TRAPPC9: variants seen among roughly 807,000 people sequenced by gnomAD.
The protein encoded by TRAPPC9 is IKK2 binding protein.
Under a neutral mutation model 124.0 loss-of-function variants are expected in TRAPPC9, and 83 were observed. The observed-to-expected ratio is 0.67, with a 90% CI of 0.56 to 0.80. The LOEUF (loss-of-function observed/expected upper bound fraction) is 0.80, where lower values mean the gene tolerates loss of function less well. TRAPPC9 is among the 30% of genes least tolerant of loss of function. The probability of loss-of-function intolerance (pLI) is 0.00; values close to 1 mark genes in which losing one functional copy is unlikely to be tolerated. For missense variants in TRAPPC9, 1,302 were observed against 1,508.3 expected, an observed-to-expected ratio of 0.86 and a Z score of 2.27; for synonymous variants, 638 against 617.5, an observed-to-expected ratio of 1.03 and a Z score of -0.49.
At chr8:140,326,691 C>T (rs1588154971) in intron 9 of TRAPPC9, among the ~76,000 whole-genome samples, 3 of 152,110 alleles carry the variant, frequency 2.0e-5, no homozygotes, top group Admixed American at 1.3e-4. Flanking sequence ...GTCTGAGCAA[C>T]ACGAGACTTT....
In TRAPPC9 at chr8:139,937,613, C is replaced by T. The variant is rs575253519; in HGVS notation, c.2811-27313G>A. 3.2e-4 allele frequency among the ~76,000 whole-genome samples: 49 copies of T among 152,122 alleles called. 1 individual carries two copies. In the South Asian group the frequency reaches 6.5e-3, roughly 20 times the overall value. ...CAATGTAAGCCAACAGAGAGACCAG[C>T]GTCGTCCACACTGGAGGCAGCAAGG... On this transcript the variant is annotated intron_variant, in intron 19 of 22. Coordinates refer to ENST00000438773, the MANE Select transcript of TRAPPC9 (RefSeq NM_001160372.4).
chr8:140,084,514 C>G (rs1844057772), intron 17 of TRAPPC9, among the ~76,000 whole-genome samples: 1 of 152,304 alleles, frequency 6.6e-6, no homozygotes, highest in Non-Finnish European at 1.5e-5. Flanking sequence ...ACTCAAGGGC[C>G]TTCATGATCT....
rs2065947573 is a variant in TRAPPC9 at position 140,300,568 on chromosome 8, T to C, written c.1669A>G (p.Met557Val). ...ACGTTCTGACCCAGCAAGCTTTTCATTTTGTGTGGCCGGAGGCTAGCAGGA... is the reference window on the plus strand; with the variant it reads ...ACGTTCTGACCCAGCAAGCTTTTCACTTTGTGTGGCCGGAGGCTAGCAGGA... ...NLPASLRPHK[M>V]KSLLGQNVST... The change falls in exon 11 of 23, where the codon ATG becomes GTG. Residue 557 changes from methionine to valine, a missense_variant. Around this residue, in one of 3 missense-constraint regions of TRAPPC9, gnomAD observed 657 missense variants for 811.2 expected, o/e 0.81. Coordinates refer to ENST00000438773, the MANE Select transcript of TRAPPC9 (RefSeq NM_001160372.4). 1.9e-6 allele frequency: 3 copies of C among 1,614,110 alleles called. No individual in the cohort carries two copies. The highest frequency in any genetic ancestry group is 2.7e-5 in the African/African-American group (2 of 74,950).
intron 17 of TRAPPC9, among the ~76,000 whole-genome samples, chr8:140,157,749 A>G (rs970801116): frequency 6.6e-6 from 1 of 152,208 alleles, no homozygotes; most frequent in African/African-American, 2.4e-5. Context: ...CACTGTCAAA[A>G]CATTAGGAAA....
At chr8:140,453,594 A>C (rs956345934) in intron 1 of TRAPPC9, among the ~76,000 whole-genome samples, 1 of 152,170 alleles carries the variant, frequency 6.6e-6, no homozygotes, top group Non-Finnish European at 1.5e-5. Flanking sequence ...ATTTTAAAAA[A>C]AGGAAACCCT....
intron 17 of TRAPPC9, among the ~76,000 whole-genome samples, chr8:140,200,745 T>G (rs149470594): frequency 4.3e-4 from 65 of 152,246 alleles, no homozygotes; most frequent in African/African-American, 1.4e-3. Flanking sequence ...TCGAGCGTCC[T>G]GAATGGGACC....
At chr8:139,746,450 G>A (rs1000220068) in intron 21 of TRAPPC9, among the ~76,000 whole-genome samples, 2 of 152,200 alleles carry the variant, frequency 1.3e-5, no homozygotes, top group African/African-American at 4.8e-5. Context: ...GAGGAGGGAG[G>A]AGCTGCAAGA....
At chr8:139,796,570 A>G (rs1823111620) in intron 21 of TRAPPC9, among the ~76,000 whole-genome samples, 1 of 152,276 alleles carries the variant, frequency 6.6e-6, no homozygotes, top group African/African-American at 2.4e-5. Flanking sequence ...TCCATGTTAT[A>G]GCATGTGTCA....
At chr8:140,201,456 A>AT (rs976417487) in intron 17 of TRAPPC9, among the ~76,000 whole-genome samples, 5 of 152,158 alleles carry the variant, frequency 3.3e-5, no homozygotes, top group Admixed American at 1.3e-4. Flanking sequence ...GCCTCCACTG[A>AT]TTTTTTTATA....
At chr8:139,908,773 T>C (rs1208523050) in intron 20 of TRAPPC9, 1 of 152,136 alleles carries the variant, frequency 6.6e-6, no homozygotes, top group East Asian at 1.9e-4. Flanking sequence ...GCTATGGCAT[T>C]TTGCTCATTA....
At chr8:139,913,106 G>A (rs1363575896) in intron 19 of TRAPPC9, among the ~76,000 whole-genome samples, 1 of 152,190 alleles carries the variant, frequency 6.6e-6, no homozygotes, top group Non-Finnish European at 1.5e-5. Flanking sequence ...TGCGGCCACT[G>A]GAACTACAAC....
rs891696677 is a variant in TRAPPC9, at chr8:140,182,270, C to T, written c.2556+39189G>A. 2.0e-5 allele frequency among the ~76,000 whole-genome samples: 3 copies of T among 151,858 alleles called. No individual in the cohort carries two copies. Among genetic ancestry groups the T allele is most frequent in the South Asian group, 2.1e-4 (1 of 4,806 alleles). ...CTGGGTTGAAGCAGGCAAATGTTTC[C>T]GAAGCCTGCCTTTCCCTAAGACCTT... On this transcript the variant is annotated intron_variant, in intron 17 of 22. Coordinates refer to ENST00000438773, the MANE Select transcript of TRAPPC9 (RefSeq NM_001160372.4). This position sits in a 1 kb window ranked among gnomAD's most constrained non-coding sequence, Gnocchi z 4.0.
chr8:140,211,222 A>G (rs1179641112), intron 17 of TRAPPC9, among the ~76,000 whole-genome samples: 1 of 152,184 alleles, frequency 6.6e-6, no homozygotes, highest in Non-Finnish European at 1.5e-5. Flanking sequence ...GCCAGACCAC[A>G]TCTCTACAAC....
At chr8:139,808,838 A>G (rs1309242737) in intron 21 of TRAPPC9, among the ~76,000 whole-genome samples, 1 of 152,224 alleles carries the variant, frequency 6.6e-6, no homozygotes, top group African/African-American at 2.4e-5. Flanking sequence ...GTATGGATAT[A>G]CCACATTTTA....
intron 21 of TRAPPC9, among the ~76,000 whole-genome samples, chr8:139,805,402 G>T (rs1052912033): frequency 6.6e-6 from 1 of 152,240 alleles, no homozygotes; most frequent in Admixed American, 6.5e-5. Flanking sequence ...ACACTCGGCA[G>T]GTGGGGACCT....
intron 9 of TRAPPC9, among the ~76,000 whole-genome samples, chr8:140,315,367 T>C (rs990230202): frequency 1.3e-5 from 2 of 151,862 alleles, no homozygotes; most frequent in African/African-American, 4.8e-5. Context: ...TATGAGCCCC[T>C]GTGTCAGATT....
At chr8:140,344,980 C>G (rs1588184665) in intron 9 of TRAPPC9, among the ~76,000 whole-genome samples, 1 of 152,230 alleles carries the variant, frequency 6.6e-6, no homozygotes, top group Non-Finnish European at 1.5e-5. Flanking sequence ...GGCGGGGAAG[C>G]CACGACAGCG....
intron 9 of TRAPPC9, among the ~76,000 whole-genome samples, chr8:140,349,118 C>T (rs1484296879): frequency 1.9e-5 from 2 of 104,106 alleles, no homozygotes; most frequent in African/African-American, 7.7e-5. Context: ...GGGCTGAAGA[C>T]GGCGCACGAG....
At chr8:139,894,242 C>T (rs752560017) in intron 20 of TRAPPC9, among the ~76,000 whole-genome samples, 12 of 152,210 alleles carry the variant, frequency 7.9e-5, no homozygotes, top group Non-Finnish European at 1.3e-4. Flanking sequence ...TGTCGAGTCC[C>T]GGCACCAACA....
Sources: allele counts gnomAD v4.1 joint callset (sites outside exome capture counted in the v4.1 genomes callset), GRCh38; gene constraint gnomAD v4.1.1; regional missense constraint gnomAD v4.1.1; non-coding constraint Gnocchi (gnomAD v3.1); transcripts MANE v1.5; gene names NCBI Gene and HGNC (gene_info 2026-07-23, HGNC 2026-07-21).